The following ATG12 variants were observed in gnomAD, a reference collection of about 807,000 sequenced individuals.
ATG12 encodes the protein autophagy related 12.
A neutral mutation model predicts 17.6 loss-of-function variants in ATG12; 19 were observed. The observed-to-expected ratio is 1.08, with a 90% CI of 0.75 to 1.58. The LOEUF (loss-of-function observed/expected upper bound fraction) is 1.58, where lower values mean the gene tolerates loss of function less well. ATG12 is among the 40% of genes most tolerant of loss of function. The pLI, the probability that ATG12 is intolerant of heterozygous loss-of-function variation, is 0.00. For synonymous variants in ATG12, 75 were observed against 62.4 expected, an observed-to-expected ratio of 1.20 and a Z score of -0.95; for missense variants, 214 against 162.0, an observed-to-expected ratio of 1.32 and a Z score of -1.74.
At chr5:115,841,204 T>C (rs1051668257) in intron 1 of ATG12, 186 bp downstream of exon 1, 30 of 702,450 alleles carry the variant, frequency 4.3e-5, no homozygotes, top group Non-Finnish European at 2.8e-5. Flanking sequence ...TAGACAGAGA[T>C]GGTATTTTAA....
rs1378192486 is a variant in ATG12 at position 115,829,142 on chromosome 5, G to GA, written c.*2661dup. 1 of 152,172 alleles carries GA rather than the reference G, an allele frequency of 6.6e-6. No homozygotes were observed. The highest frequency in any genetic ancestry group is 2.4e-5 in the African/African-American group (1 of 41,440). The allele number at this position is 152,172 out of a possible 1,614,324, so 9.4% of individuals were successfully genotyped here. ...AGTAGTATTTGCTGAACTGTTTTCT[G>GA]AATAGTTTTCATTACGTGGCCTGTA... On this transcript the variant is annotated 3_prime_UTR_variant, in exon 4 of 4. Transcript: ENST00000509910.
intron 1 of ATG12, 116 bp downstream of exon 1, chr5:115,841,274 C>G: frequency 1.3e-5 from 18 of 1,369,304 alleles, no homozygotes; most frequent in Non-Finnish European, 1.8e-5. Flanking sequence ...GATGACTGGT[C>G]AAAATGCAGG....
chr5:115,835,215 G>A (rs1251638159), intron 2 of ATG12: 1 of 151,696 alleles, frequency 6.6e-6, no homozygotes, highest in African/African-American at 2.4e-5. Flanking sequence ...TACAATTTTC[G>A]ACTTGTCTTA....
intron 1 of ATG12, chr5:115,840,558 A>G: frequency 8.0e-7 from 1 of 1,247,162 alleles, no homozygotes; most frequent in South Asian, 1.3e-5. Context: ...TCAGCCTACC[A>G]AAGTGCTGGG....
intron 1 of ATG12, chr5:115,840,664 C>A (rs778765530): frequency 2.4e-6 from 3 of 1,227,730 alleles, no homozygotes; most frequent in Non-Finnish European, 3.1e-6. Flanking sequence ...CTCTCTGAAT[C>A]GAGGATGCTT....
intron 1 of ATG12, among the ~76,000 whole-genome samples, chr5:115,840,281 C>T (rs1761315595): frequency 6.6e-6 from 1 of 150,566 alleles, no homozygotes; most frequent in Admixed American, 6.6e-5. Flanking sequence ...GAAGAAAAAG[C>T]AATGAGACCA....
At position 115,840,766 on chromosome 5, in the gene ATG12, C is replaced by A; in HGVS notation, c.163+624G>T. 5.1e-6 allele frequency: 6 copies of A among 1,178,684 alleles called. No homozygotes were observed. In the South Asian group the frequency reaches 9.2e-5, roughly 18 times the overall value. 73.0% of individuals were successfully genotyped at this position (1,178,684 alleles called of 1,614,324 possible). A position where few individuals can be genotyped will look rare whatever the true frequency, so the allele number is the denominator to read the frequency against. The stretch of plus-strand genomic sequence containing the variant: ...AATCTCTTTTACAAAGGGAAACATT[C>A]TCAAGCAATAAAGGGTTGAGGATAG... On this transcript the variant is annotated intron_variant, in intron 1 of 3. Coordinates refer to ENST00000509910, the MANE Select transcript of ATG12 (RefSeq NM_004707.4).
rs1267365160 is a variant in ATG12, at chr5:115,829,397, C to G, written c.*2407G>C. On this transcript the variant is annotated 3_prime_UTR_variant, in exon 4 of 4. Coordinates refer to ENST00000509910, the MANE Select transcript of ATG12 (RefSeq NM_004707.4). ...CTTTAGGACTGAAACTTACAGAAATCAGATTCCAGGAATTATCCAATCTCA... is the reference window on the plus strand; with the variant it reads ...CTTTAGGACTGAAACTTACAGAAATGAGATTCCAGGAATTATCCAATCTCA... 6.6e-6 allele frequency: 1 copy of G among 152,172 alleles called. No homozygotes were observed. The highest frequency in any genetic ancestry group is 2.4e-5 in the African/African-American group (1 of 41,446). 9.4% of individuals were successfully genotyped at this position (152,172 alleles called of 1,614,324 possible).
In ATG12 at chr5:115,829,015, C is replaced by A. The variant is rs554132609; in HGVS notation, c.*2789G>T. 2.6e-5 allele frequency: 4 copies of A among 152,154 alleles called. No individual in the cohort carries two copies. Among genetic ancestry groups the A allele is most frequent in the Non-Finnish European group, 5.9e-5 (4 of 68,010 alleles). The allele number at this position is 152,154 out of a possible 1,614,324, so 9.4% of individuals were successfully genotyped here. On this transcript the variant is annotated 3_prime_UTR_variant, in exon 4 of 4. Coordinates refer to ENST00000509910, the MANE Select transcript of ATG12 (RefSeq NM_004707.4). ...AAACTGCACGAGCAGAAGTAGATAACAGAAAACACAAGGCATCTTCAAAGA... is the reference window on the plus strand; with the variant it reads ...AAACTGCACGAGCAGAAGTAGATAAAAGAAAACACAAGGCATCTTCAAAGA...
Position 115,828,347 on chromosome 5 carries a change from A to G in ATG12, c.*3457T>C, listed in dbSNP as rs1760721403. The G allele has an allele frequency of 2.6e-5, 4 of 152,202 alleles. 1 individual carries two copies. Among genetic ancestry groups the G allele is most frequent in the Admixed American group, 2.6e-4 (4 of 15,278 alleles). 9.4% of individuals were successfully genotyped at this position (152,202 alleles called of 1,614,324 possible). A position where few individuals can be genotyped will look rare whatever the true frequency, so the allele number is the denominator to read the frequency against. ...ATTGCCAAATGGCCCCCTAAAAGTG[A>G]TATACCAACTCATATTCTATTCACC... On this transcript the variant is annotated 3_prime_UTR_variant, in exon 4 of 4. Transcript: ENST00000509910.
At chr5:115,836,912 T>TA (rs1374722739) in intron 2 of ATG12, among the ~76,000 whole-genome samples, 1 of 152,226 alleles carries the variant, frequency 6.6e-6, no homozygotes, top group Non-Finnish European at 1.5e-5. Flanking sequence ...GTGAAGTGCT[T>TA]AACGTGTACT....
rs377675280 is a variant in ATG12, at chr5:115,841,472, T to C, written c.81A>G (p.Pro27=). The C allele has an allele frequency of 1.9e-6, 3 of 1,611,498 alleles. No individual in the cohort carries two copies. The highest frequency in any genetic ancestry group is 1.7e-4 in the Middle Eastern group (1 of 6,030). Residue 27 remains proline (P), a synonymous_variant, in exon 1 of 4, where the codon CCA becomes CCG. Coordinates refer to ENST00000509910, the MANE Select transcript of ATG12 (RefSeq NM_004707.4). ...ACGGGGGCTCCGGGGTGGTTGTTTC[T>C]GGGGAGACATCCGTAAGTCCTTCCC... ...AGGEGLTDVS[P]ETTTPEPPSS...
In ATG12 at chr5:115,832,626, G is replaced by T. The variant is rs747389978; in HGVS notation, c.339C>A (p.Asp113Glu). ...YVNQSFAPSP[D>E]QEVGTLYECF... Reference sequence around the variant, plus strand: ...CCTCATAGAGAGTTCCAACTTCTTGGTCTGGGGAAGGAGCAAAGGACTGAT... The same window carrying T: ...CCTCATAGAGAGTTCCAACTTCTTGTTCTGGGGAAGGAGCAAAGGACTGAT... The change falls in exon 3 of 4, where the codon GAC (aspartate) becomes GAA (glutamate). Residue 113 changes from aspartate (D) to glutamate (E), a missense_variant. Asp to Glu is a conservative substitution (Grantham distance 45). Coordinates refer to ENST00000509910, the MANE Select transcript of ATG12 (RefSeq NM_004707.4). 2.0e-6 allele frequency: 3 copies of T among 1,477,432 alleles called. No homozygotes were observed. Among genetic ancestry groups the T allele is most frequent in the Non-Finnish European group, 2.7e-6 (3 of 1,121,864 alleles). The allele number at this position is 1,477,432 out of a possible 1,614,324, so 91.5% of individuals were successfully genotyped here.
At chr5:115,833,575 T>C (rs1053741499) in intron 2 of ATG12, 1 of 152,068 alleles carries the variant, frequency 6.6e-6, no homozygotes, top group Non-Finnish European at 1.5e-5. Flanking sequence ...ATATGGAAAA[T>C]AATAGGACCT....
Position 115,837,767 on chromosome 5 carries a change from G to A in ATG12, c.164-3C>T, listed in dbSNP as rs748895176. On this transcript the variant is annotated splice_region_variant and splice_polypyrimidine_tract_variant and intron_variant, in intron 1 of 3. Coordinates refer to ENST00000509910, the MANE Select transcript of ATG12 (RefSeq NM_004707.4). ...CACAGCCTTTAGCAAAATGTCAACT[G>A]TAAAAGAAGAATAAAATTTACTGAC... 6.3e-6 allele frequency: 10 copies of A among 1,588,180 alleles called. No homozygotes were observed. Among genetic ancestry groups the A allele is most frequent in the East Asian group, 2.2e-5 (1 of 44,580 alleles).
At chr5:115,840,750 T>C in intron 1 of ATG12, 1 of 1,181,120 alleles carries the variant, frequency 8.5e-7, no homozygotes, top group Non-Finnish European at 1.1e-6. Context: ...CAATCTCTTT[T>C]ACAAAGGGAA....
intron 2 of ATG12, chr5:115,834,958 T>C (rs1423005553): frequency 6.6e-6 from 1 of 152,232 alleles, no homozygotes; most frequent in Non-Finnish European, 1.5e-5. Context: ...GTTCCCTTGC[T>C]CTGGTTTTCT....
intron 2 of ATG12, among the ~76,000 whole-genome samples, chr5:115,836,752 TG>T (rs1194837294): frequency 1.3e-5 from 2 of 152,236 alleles, no homozygotes; most frequent in Admixed American, 6.5e-5. Flanking sequence ...GTGATCTATT[TG>T]CAGATAAAGG....
chr5:115,835,447 G>C (rs1761054607), intron 2 of ATG12, among the ~76,000 whole-genome samples: 1 of 152,074 alleles, frequency 6.6e-6, no homozygotes, highest in African/African-American at 2.4e-5. Flanking sequence ...TCAAAACGAT[G>C]GAGGCCTGCT....
Sources: allele counts gnomAD v4.1 joint callset (sites outside exome capture counted in the v4.1 genomes callset), GRCh38; gene constraint gnomAD v4.1.1; transcripts MANE v1.5; gene names NCBI Gene and HGNC (gene_info 2026-07-23, HGNC 2026-07-21).